Variants in AKTIP observed in about 807,000 individuals in gnomAD.
The protein encoded by AKTIP is AKT-interacting protein.
A neutral mutation model predicts 39.1 loss-of-function variants in AKTIP; 16 were observed. The ratio of observed to expected loss-of-function variants is 0.41; its 90% CI spans 0.28 to 0.62. The LOEUF is 0.62. Among genes scored for constraint, AKTIP ranks in the 20% least tolerant of loss-of-function variants. AKTIP has a pLI of 0.32. For synonymous variants in AKTIP, 93 were observed against 124.3 expected (o/e 0.75, Z 1.67); for missense variants, 262 against 356.6 (o/e 0.73, Z 2.14).
At chr16:53,501,043 C>T (rs935218040) in intron 1 of AKTIP, 4 of 152,188 alleles carry the variant, frequency 2.6e-5, no homozygotes, top group Non-Finnish European at 5.9e-5. Flanking sequence ...TATCACTGTT[C>T]CCAGGGTTAT....
intron 8 of AKTIP, 144 bp downstream of exon 8, chr16:53,493,994 C>A: frequency 1.6e-6 from 1 of 620,384 alleles, no homozygotes; most frequent in Admixed American, 2.9e-5. Flanking sequence ...CATCAGAAAT[C>A]GAGTTGGCAC....
At chr16:53,497,227 C>G (rs546669461) in intron 3 of AKTIP, among the ~76,000 whole-genome samples, 130 of 152,266 alleles carry the variant, frequency 8.5e-4, no homozygotes, top group Admixed American at 2.7e-3. Flanking sequence ...GTGCTGGAGC[C>G]CCCGTGTGTG....
intron 8 of AKTIP, 176 bp downstream of exon 8, chr16:53,493,962 T>C: frequency 1.8e-6 from 1 of 564,202 alleles, no homozygotes; most frequent in Non-Finnish European, 3.1e-6. Flanking sequence ...AGCTTTTTGT[T>C]TAAGAGAAGA....
chr16:53,491,254 T>G lies in AKTIP; in HGVS notation c.*1158A>C, dbSNP rs1961430686. 6.6e-6 allele frequency: 1 copy of G among 152,160 alleles called. No homozygotes were observed. Among genetic ancestry groups the G allele is most frequent in the Admixed American group, 6.5e-5 (1 of 15,278 alleles). The allele number at this position is 152,160 out of a possible 1,614,324, so 9.4% of individuals were successfully genotyped here. A position where few individuals can be genotyped will look rare whatever the true frequency, so the allele number is the denominator to read the frequency against. On this transcript the variant is annotated 3_prime_UTR_variant, in exon 10 of 10. Coordinates refer to ENST00000394657, the MANE Select transcript of AKTIP (RefSeq NM_022476.4). ...GGAGTTATCTAAAAGAAATGTCTATTAAGGTGATATATTTAAAAATATTTT... is the reference window on the plus strand; with the variant it reads ...GGAGTTATCTAAAAGAAATGTCTATGAAGGTGATATATTTAAAAATATTTT...
At chr16:53,503,262 CT>C (rs1962299748), upstream of AKTIP, 1 of 88,060 alleles carries the variant, frequency 1.1e-5, no homozygotes, top group Non-Finnish European at 2.5e-5. Context: ...CCACCCCGCC[CT>C]GCCCTGCCCT....
chr16:53,495,823 G>A (rs192761314), intron 3 of AKTIP, among the ~76,000 whole-genome samples: 33 of 152,302 alleles, frequency 2.2e-4, no homozygotes, highest in African/African-American at 7.7e-4. Context: ...GGGTCACAAA[G>A]TTGTCATTTT....
rs754722778 is a variant in AKTIP at position 53,500,246 on chromosome 16, CAG to C, written c.12_13del (p.Phe4LeufsTer13). On this transcript the variant is annotated frameshift_variant, in exon 2 of 10. Transcript: ENST00000394657. LOFTEE classifies it high-confidence loss of function. ...GCGTACAGAGCTTGTAGACATGCTCCAGAAAGGGTTCATAACGTGTATTCCAA... is the reference window on the plus strand; with the variant it reads ...GCGTACAGAGCTTGTAGACATGCTCCAAAGGGTTCATAACGTGTATTCCAA... 1.2e-6 allele frequency: 2 copies of C among 1,613,098 alleles called. No individual in the cohort carries two copies. Among genetic ancestry groups the C allele is most frequent in the South Asian group, 2.2e-5 (2 of 90,820 alleles).
upstream of AKTIP, among the ~76,000 whole-genome samples, chr16:53,503,719 A>G (rs1962325176): frequency 6.6e-6 from 1 of 152,166 alleles, no homozygotes; most frequent in African/African-American, 2.4e-5. Flanking sequence ...AGTGGCTCCC[A>G]TCGCTAGGTC....
Position 53,498,472 on chromosome 16 carries a change from G to A in AKTIP, c.167C>T (p.Pro56Leu). Residue 56 changes from proline to leucine, a missense_variant, in exon 3 of 10, where the codon CCT (proline) becomes CTT (leucine). Transcript: ENST00000394657. Reference sequence around the variant, plus strand: ...ATTTGTTGACTGTGCTGCTGGGGCAGGAGATGTAGGCTTAGTTATGGGCAA... The same window carrying A: ...ATTTGTTGACTGTGCTGCTGGGGCAAGAGATGTAGGCTTAGTTATGGGCAA... ...NALPITKPTS[P>L]APAAQSTNGT... 6.2e-7 allele frequency: 1 copy of A among 1,613,986 alleles called. No homozygotes were observed. The highest frequency in any genetic ancestry group is 1.1e-5 in the South Asian group (1 of 91,080).
intron 3 of AKTIP, among the ~76,000 whole-genome samples, chr16:53,495,890 C>T (rs1338562843): frequency 6.6e-6 from 1 of 152,202 alleles, no homozygotes; most frequent in Non-Finnish European, 1.5e-5. Context: ...GCAGTACTGC[C>T]TGGGGAGGGC....
chr16:53,502,115 C>A (rs1336934613), intron 1 of AKTIP, among the ~76,000 whole-genome samples: 1 of 152,176 alleles, frequency 6.6e-6, no homozygotes, highest in Non-Finnish European at 1.5e-5. Flanking sequence ...CGTTAGGATT[C>A]TCTTTAAGAA....
chr16:53,497,344 C>T (rs985098467), intron 3 of AKTIP, among the ~76,000 whole-genome samples: 4 of 152,198 alleles, frequency 2.6e-5, no homozygotes, highest in Admixed American at 6.5e-5. Context: ...GACCAGTCAG[C>T]GTCTTCCTTA....
intron 3 of AKTIP, 50 bp from the exon 4 acceptor site, chr16:53,495,376 C>G (rs766430088): frequency 3.4e-5 from 52 of 1,546,850 alleles, no homozygotes; most frequent in Non-Finnish European, 4.5e-5. Flanking sequence ...ATGACACATG[C>G]AGATCAAACC....
chr16:53,491,600 A>AATTTT lies in AKTIP; in HGVS notation c.*807_*811dup, dbSNP rs1961463673. 1 of 152,626 alleles carries AATTTT rather than the reference A, an allele frequency of 6.6e-6. No individual in the cohort carries two copies. The highest frequency in any genetic ancestry group is 1.5e-5 in the Non-Finnish European group (1 of 68,024). The allele number at this position is 152,626 out of a possible 1,614,324, so 9.5% of individuals were successfully genotyped here. On this transcript the variant is annotated 3_prime_UTR_variant, in exon 10 of 10. Transcript: ENST00000394657. ...AAACTTCTCAAGATACTGCTACTGTAATTTTATATGAAGATAAGTGTATTT... is the reference window on the plus strand; with the variant it reads ...AAACTTCTCAAGATACTGCTACTGTAATTTTATTTTATATGAAGATAAGTGTATTT...
At chr16:53,493,994 C>T (rs148619600) in intron 8 of AKTIP, 144 bp downstream of exon 8, 53 of 620,384 alleles carry the variant, frequency 8.5e-5, no homozygotes, top group African/African-American at 5.9e-4. Context: ...CATCAGAAAT[C>T]GAGTTGGCAC....
chr16:53,499,668 G>A (rs1056661473), intron 2 of AKTIP, among the ~76,000 whole-genome samples: 1 of 151,976 alleles, frequency 6.6e-6, no homozygotes, highest in Non-Finnish European at 1.5e-5. Context: ...CACCATGTTA[G>A]TCAGGATGGT....
At position 53,494,125 on chromosome 16, in the gene AKTIP, A is replaced by G. The variant is rs1436306498; in HGVS notation, c.710+13T>C. 1 of 1,588,930 alleles carries G rather than the reference A, an allele frequency of 6.3e-7. No individual in the cohort carries two copies. The highest frequency in any genetic ancestry group is 1.3e-5 in the African/African-American group (1 of 74,370). ...GGACAGTGGACAGTTCACTTGGGGG[A>G]TGCACCACTTACCTAATTGCATAGG... On this transcript the variant is annotated intron_variant, in intron 8 of 9. Coordinates refer to ENST00000394657, the MANE Select transcript of AKTIP (RefSeq NM_022476.4).
At chr16:53,498,314 C>T in intron 3 of AKTIP, 77 bp downstream of exon 3, 1 of 1,442,866 alleles carries the variant, frequency 6.9e-7, no homozygotes, top group South Asian at 1.2e-5. Flanking sequence ...CCCTTTACTG[C>T]ATCCATCAGA....
At chr16:53,496,794 T>C (rs957313268) in intron 3 of AKTIP, among the ~76,000 whole-genome samples, 3 of 151,928 alleles carry the variant, frequency 2.0e-5, no homozygotes, top group Admixed American at 2.0e-4. Context: ...TAAGCTGAGA[T>C]TGTGCCACTG....
Sources: gnomAD v4.1 joint callset for allele counts (sites outside exome capture counted in the v4.1 genomes callset) on GRCh38, gnomAD v4.1.1 for gene constraint, MANE v1.5 for transcripts, NCBI Gene and HGNC (gene_info 2026-07-23, HGNC 2026-07-21) for gene names.